Variants in ZDHHC1 observed in about 807,000 individuals in gnomAD.
The protein encoded by ZDHHC1 is zDHHC palmitoyltransferase 1.
Under a neutral mutation model 46.9 loss-of-function variants are expected in ZDHHC1, and 45 were observed. The observed-to-expected ratio is 0.96, with a 90% CI of 0.76 to 1.23. The LOEUF is 1.23. ZDHHC1 is among the 50% of genes most tolerant of loss of function. ZDHHC1 has a pLI of 0.00. For synonymous variants in ZDHHC1, 291 were observed against 286.0 expected, an observed-to-expected ratio of 1.02 and a Z score of -0.18; for missense variants, 649 against 670.8, an observed-to-expected ratio of 0.97 and a Z score of 0.36.
In ZDHHC1 at chr16:67,399,341, C is replaced by T. The variant is rs1359983967; in HGVS notation, c.530+14G>A. On this transcript the variant is annotated intron_variant, in intron 5 of 11. Coordinates refer to ENST00000565726, the MANE Select transcript of ZDHHC1 (RefSeq NM_001323627.2). ...GTGCATCCCCAGGCCCGCGTGCGGCCGGGCTGTCCTCACCGGTAGTTCCGC... is the reference window on the plus strand; with the variant it reads ...GTGCATCCCCAGGCCCGCGTGCGGCTGGGCTGTCCTCACCGGTAGTTCCGC... The T allele has an allele frequency of 2.2e-5, 36 of 1,605,858 alleles. 1 individual carries two copies. The highest frequency in any genetic ancestry group is 2.9e-5 in the Non-Finnish European group (34 of 1,175,024).
At position 67,394,481 on chromosome 16, in the gene ZDHHC1, C is replaced by G. The variant is rs561208703; in HGVS notation, c.*129G>C. On this transcript the variant is annotated 3_prime_UTR_variant, in exon 12 of 12. Transcript: ENST00000565726. ...GCCGGTGGGGCGGGTATTGCTGAGT[C>G]GTGGGGGAGGGAGGCCGATCCCGCC... 6.4e-6 allele frequency: 5 copies of G among 776,000 alleles called. No homozygotes were observed. In the East Asian group the frequency reaches 2.4e-4, roughly 37 times the overall value. 48.1% of individuals were successfully genotyped at this position (776,000 alleles called of 1,614,324 possible).
rs768667153 is a variant in ZDHHC1, at chr16:67,401,059, T to G, written c.326A>C (p.Asn109Thr). The G allele has an allele frequency of 4.3e-6, 7 of 1,614,060 alleles. No individual in the cohort carries two copies. The highest frequency in any genetic ancestry group is 5.9e-6 in the Non-Finnish European group (7 of 1,180,040). ...CCCCGCATAGCTCTTGTCCCGCACG[T>G]TGGCATCTGCTGGATCGATGGAGAC... ...TAVSIDPADA[N>T]VRDKSYAGPL... Residue 109 changes from asparagine to threonine, a missense_variant, in exon 4 of 12, where the codon AAC becomes ACC. Coordinates refer to ENST00000565726, the MANE Select transcript of ZDHHC1 (RefSeq NM_001323627.2). This position sits in a 1 kb window ranked among gnomAD's most constrained non-coding sequence, Gnocchi z 4.6.
chr16:67,410,300 C>T (rs2040730047), intron 1 of ZDHHC1, among the ~76,000 whole-genome samples: 1 of 152,228 alleles, frequency 6.6e-6, no homozygotes, highest in Non-Finnish European at 1.5e-5. Flanking sequence ...AGCCCACAAG[C>T]TCCTTGCTGC....
intron 11 of ZDHHC1, 52 bp from the exon 12 acceptor site, chr16:67,394,945 C>G: frequency 1.3e-6 from 2 of 1,563,224 alleles, no homozygotes; most frequent in East Asian, 2.3e-5. Flanking sequence ...GCTTGTGGCT[C>G]TGCCTTCCCC....
At chr16:67,403,789 A>G (rs1047770830) in intron 3 of ZDHHC1, among the ~76,000 whole-genome samples, 3 of 151,818 alleles carry the variant, frequency 2.0e-5, no homozygotes, top group African/African-American at 7.3e-5. Context: ...TAATTTTTGT[A>G]TTTTTAGTAG....
rs2040837967 is a variant in ZDHHC1, at chr16:67,416,428, T to C, written c.-296A>G. The C allele has an allele frequency of 2.1e-5, 4 of 192,902 alleles. No individual in the cohort carries two copies. Among genetic ancestry groups the C allele is most frequent in the South Asian group, 6.2e-5 (1 of 16,252 alleles). The allele number at this position is 192,902 out of a possible 1,614,324, so 11.9% of individuals were successfully genotyped here. A position where few individuals can be genotyped will look rare whatever the true frequency, so the allele number is the denominator to read the frequency against. Reference sequence around the variant, plus strand: ...GGCTCCGGCTCCGGCTCCAGCAGGCTGGAGGGGCGGCCAGGCCAGACCCAG... The same window carrying C: ...GGCTCCGGCTCCGGCTCCAGCAGGCCGGAGGGGCGGCCAGGCCAGACCCAG... On this transcript the variant is annotated 5_prime_UTR_variant, in exon 1 of 12. Transcript: ENST00000565726.
chr16:67,400,416 A>G (rs1432936450), intron 4 of ZDHHC1, among the ~76,000 whole-genome samples: 1 of 152,208 alleles, frequency 6.6e-6, no homozygotes, highest in Non-Finnish European at 1.5e-5. Context: ...GACCTGAGCA[A>G]GCCAAATGGC....
At chr16:67,412,170 C>G (rs535898533) in intron 1 of ZDHHC1, among the ~76,000 whole-genome samples, 23 of 151,970 alleles carry the variant, frequency 1.5e-4, no homozygotes, top group African/African-American at 5.3e-4. Context: ...CCTATACGCA[C>G]AGATTTTCTC....
intron 4 of ZDHHC1, 59 bp from the exon 5 acceptor site, chr16:67,399,515 C>G: frequency 6.8e-7 from 1 of 1,476,070 alleles, no homozygotes; most frequent in Non-Finnish European, 9.3e-7. Flanking sequence ...TGCGGCCCGG[C>G]CGGTCGGGGT....
intron 8 of ZDHHC1, 88 bp from the exon 9 acceptor site, chr16:67,395,654 T>G (rs530113330): frequency 2.5e-5 from 33 of 1,296,028 alleles, no homozygotes; most frequent in Admixed American, 2.4e-4. Context: ...CCTGCCCTCA[T>G]TGGCCTCTGT....
Position 67,406,290 on chromosome 16 carries a change from C to T in ZDHHC1, c.162G>A (p.Val54=). 2 of 1,609,668 alleles carry T rather than the reference C, an allele frequency of 1.2e-6. No homozygotes were observed. The highest frequency in any genetic ancestry group is 1.7e-6 in the Non-Finnish European group (2 of 1,178,266). ...WSWPPHPLQI[V]AWLLYLFFAV... is the part of the protein sequence containing the mutation. Reference sequence around the variant, plus strand: ...CAAAGAAGAGGTACAGCAGCCAGGCCACAATCTGGAGCGGGTGAGGGGGCC... The same window carrying T: ...CAAAGAAGAGGTACAGCAGCCAGGCTACAATCTGGAGCGGGTGAGGGGGCC... The change falls in exon 3 of 12, where the codon GTG becomes GTA. Residue 54 remains valine (V), a synonymous_variant. Coordinates refer to ENST00000565726, the MANE Select transcript of ZDHHC1 (RefSeq NM_001323627.2). The surrounding 1 kb of genome is among the most constrained non-coding windows in gnomAD (Gnocchi z 4.1).
At chr16:67,413,938 C>CAA (rs974752448) in intron 1 of ZDHHC1, among the ~76,000 whole-genome samples, 2,883 of 59,288 alleles carry the variant, frequency 0.049, 80 homozygotes, top group Middle Eastern at 0.092. Context: ...GACTCCGTCT[C>CAA]AAAAAAAAAA....
At chr16:67,395,666 G>T in intron 8 of ZDHHC1, 100 bp from the exon 9 acceptor site, 1 of 1,164,748 alleles carries the variant, frequency 8.6e-7, no homozygotes. Flanking sequence ...GGCCTCTGTG[G>T]GATATCTCAG....
intron 3 of ZDHHC1, chr16:67,404,538 A>G (rs994402428): frequency 2.7e-6 from 1 of 372,870 alleles, no homozygotes; most frequent in African/African-American, 2.1e-5. Flanking sequence ...CTGGTCAGGC[A>G]TGAACCAGGT....
In ZDHHC1 at chr16:67,414,278, A is replaced by C. The variant is rs1597552914; in HGVS notation, c.-39+1893T>G. Reference sequence around the variant, plus strand: ...AACAAAGAAAGAAAAACAAAAACAAAACAAAACAATCTGGCTAATTAAGCA... The same window carrying C: ...AACAAAGAAAGAAAAACAAAAACAACACAAAACAATCTGGCTAATTAAGCA... On this transcript the variant is annotated intron_variant, in intron 1 of 11. Coordinates refer to ENST00000565726, the MANE Select transcript of ZDHHC1 (RefSeq NM_001323627.2). Among the ~76,000 whole-genome samples the C allele has an allele frequency of 2.6e-5, 4 of 152,168 alleles. No homozygotes were observed. The South Asian group carries it at 8.3e-4, about 32-fold the overall frequency.
rs934401091 is a variant in ZDHHC1, at chr16:67,395,408, A to AC, written c.1010+75dup. ...CTGACCCATGCCCCGACCTTAGCCTACCCCCTTCTCCTGCCTCGATGGCCC... is the reference window on the plus strand; with the variant it reads ...CTGACCCATGCCCCGACCTTAGCCTACCCCCCTTCTCCTGCCTCGATGGCCC... On this transcript the variant is annotated intron_variant, in intron 9 of 11. Transcript: ENST00000565726. 103 of 1,540,846 alleles carry AC rather than the reference A, an allele frequency of 6.7e-5. No homozygotes were observed. In the Middle Eastern group the frequency reaches 1.4e-3, roughly 21 times the overall value.
chr16:67,403,311 T>C (rs1597541281), intron 3 of ZDHHC1, among the ~76,000 whole-genome samples: 1 of 152,256 alleles, frequency 6.6e-6, no homozygotes, highest in Non-Finnish European at 1.5e-5. Context: ...GTTAAGGAAA[T>C]AAATAATTTA....
intron 1 of ZDHHC1, among the ~76,000 whole-genome samples, chr16:67,411,984 G>C (rs965419908): frequency 6.6e-6 from 1 of 151,818 alleles, no homozygotes; most frequent in Non-Finnish European, 1.5e-5. Context: ...GTGGTGGTGC[G>C]GGCCTGTAGA....
intron 4 of ZDHHC1, among the ~76,000 whole-genome samples, chr16:67,399,817 C>T (rs180953418): frequency 1.2e-4 from 18 of 152,268 alleles, no homozygotes; most frequent in African/African-American, 3.6e-4. Context: ...CAGGGAGCTG[C>T]AGACAGCAAG....
Sources: gnomAD v4.1 joint callset for allele counts (sites outside exome capture counted in the v4.1 genomes callset) on GRCh38, gnomAD v4.1.1 for gene constraint, Gnocchi (gnomAD v3.1) non-coding constraint, MANE v1.5 for transcripts, NCBI Gene and HGNC (gene_info 2026-07-23, HGNC 2026-07-21) for gene names.